EYA4: variants seen among roughly 807,000 people sequenced by gnomAD.
EYA4 encodes EYA transcriptional coactivator and phosphatase 4, also known as protein phosphatase EYA4.
In EYA4, 31 loss-of-function variants were observed where a neutral mutation model predicts 87.9. The ratio of observed to expected loss-of-function variants is 0.35; its 90% CI spans 0.27 to 0.48. The LOEUF is 0.48. Among genes scored for constraint, EYA4 ranks in the 20% least tolerant of loss-of-function variants. EYA4 has a pLI of 0.99. For missense variants in EYA4, 678 were observed against 761.4 expected, an observed-to-expected ratio of 0.89 and a Z score of 1.29; for synonymous variants, 263 against 270.6, an observed-to-expected ratio of 0.97 and a Z score of 0.28.
chr6:133,417,614 C>T (rs1413120032), intron 3 of EYA4, among the ~76,000 whole-genome samples: 1 of 152,074 alleles, frequency 6.6e-6, no homozygotes, highest in Non-Finnish European at 1.5e-5. Flanking sequence ...ACACACACAA[C>T]CCTCATACAT....
At chr6:133,348,522 C>G (rs1783393475) in intron 2 of EYA4, among the ~76,000 whole-genome samples, 1 of 152,006 alleles carries the variant, frequency 6.6e-6, no homozygotes, top group Non-Finnish European at 1.5e-5. Flanking sequence ...GCCTCGGCCT[C>G]CCAAAGTGCT....
At chr6:133,515,230 A>C in intron 16 of EYA4, 91 bp from the exon 17 acceptor site, 1 of 772,194 alleles carries the variant, frequency 1.3e-6, no homozygotes. Context: ...CTGAAATAAA[A>C]ATGATCTATT....
intron 3 of EYA4, among the ~76,000 whole-genome samples, chr6:133,417,978 A>G (rs902159538): frequency 3.3e-4 from 51 of 152,350 alleles, no homozygotes; most frequent in Admixed American, 2.2e-3. Flanking sequence ...TAGGCAGTGC[A>G]TAGTACGGCT....
At chr6:133,420,241 A>G (rs1380282998) in intron 3 of EYA4, among the ~76,000 whole-genome samples, 1 of 152,192 alleles carries the variant, frequency 6.6e-6, no homozygotes, top group Non-Finnish European at 1.5e-5. Flanking sequence ...ACACTTATTC[A>G]GTATCCCCTC....
intron 13 of EYA4, among the ~76,000 whole-genome samples, chr6:133,499,850 C>T (rs9493632): frequency 0.044 from 6,710 of 151,922 alleles, 501 homozygotes; most frequent in African/African-American, 0.15. Flanking sequence ...TCAGTGATCA[C>T]GCTGGCTCAA....
At chr6:133,262,474 GAATTCTTTCACATGTCTCC>G (rs1775876576) in intron 1 of EYA4, among the ~76,000 whole-genome samples, 1 of 152,220 alleles carries the variant, frequency 6.6e-6, no homozygotes, top group Non-Finnish European at 1.5e-5. Context: ...CTTGGGCTAA[GAATTCTTTCACATGTCTCC>G]CTGGGACAAT....
At chr6:133,412,724 T>C (rs1436876795) in intron 3 of EYA4, among the ~76,000 whole-genome samples, 3 of 152,228 alleles carry the variant, frequency 2.0e-5, no homozygotes, top group African/African-American at 7.2e-5. Context: ...CTATTCAGCA[T>C]AGATCTCATG....
chr6:133,378,367 T>G (rs1785887090), intron 2 of EYA4, among the ~76,000 whole-genome samples: 1 of 152,098 alleles, frequency 6.6e-6, no homozygotes, highest in African/African-American at 2.4e-5. Context: ...TAAATGAGAT[T>G]ATATATATAC....
At chr6:133,385,503 A>C (rs1243871620) in intron 3 of EYA4, among the ~76,000 whole-genome samples, 2 of 150,412 alleles carry the variant, frequency 1.3e-5, no homozygotes, top group African/African-American at 4.9e-5. Flanking sequence ...TTTTATTCTA[A>C]ACAAATATCA....
chr6:133,294,394 G>C (rs373146762), intron 2 of EYA4, among the ~76,000 whole-genome samples: 2 of 145,656 alleles, frequency 1.4e-5, no homozygotes, highest in Admixed American at 1.4e-4. Context: ...TTAAGAGACA[G>C]TCTTACTTCA....
At chr6:133,445,271 C>T (rs965741224) in intron 3 of EYA4, among the ~76,000 whole-genome samples, 1 of 152,072 alleles carries the variant, frequency 6.6e-6, no homozygotes, top group Non-Finnish European at 1.5e-5. Flanking sequence ...TCCCTGTATA[C>T]AGTGCAATTA....
chr6:133,319,007 C>T (rs1471062481), intron 2 of EYA4, among the ~76,000 whole-genome samples: 1 of 152,194 alleles, frequency 6.6e-6, no homozygotes, highest in African/African-American at 2.4e-5. Context: ...AGCATTTCTG[C>T]TTAACAGCCT....
chr6:133,297,026 A>G (rs1301275862), intron 2 of EYA4, among the ~76,000 whole-genome samples: 1 of 152,202 alleles, frequency 6.6e-6, no homozygotes, highest in African/African-American at 2.4e-5. Flanking sequence ...TGCATGCACT[A>G]ATTCTTGCAT....
Position 133,363,640 on chromosome 6 carries a change from A to ATT in EYA4, c.34-18745_34-18744dup, listed in dbSNP as rs5880177. 4.0e-3 allele frequency among the ~76,000 whole-genome samples: 606 copies of ATT among 151,296 alleles called. 4 individuals are homozygous for ATT. The highest frequency in any genetic ancestry group is 0.013 in the African/African-American group (548 of 41,254). On this transcript the variant is annotated intron_variant, in intron 2 of 19. Coordinates refer to ENST00000355286, the MANE Select transcript of EYA4 (RefSeq NM_004100.5). ...CAGGCGCACGCTGCCACGCCTGGCT[A>ATT]TTTTTTTTGTATTTTTAGTAGAGAC... is the stretch of plus-strand genomic sequence containing the variant.
At chr6:133,356,939 TG>T (rs922998161) in intron 2 of EYA4, among the ~76,000 whole-genome samples, 2 of 151,760 alleles carry the variant, frequency 1.3e-5, no homozygotes, top group Non-Finnish European at 2.9e-5. Flanking sequence ...CTTTTTGAAC[TG>T]AGATTGTCCT....
At chr6:133,491,951 CAA>C (rs34316449) in intron 13 of EYA4, among the ~76,000 whole-genome samples, 4,700 of 83,638 alleles carry the variant, frequency 0.056, 249 homozygotes, top group African/African-American at 0.19. Context: ...AACTCCGTCT[CAA>C]AAAAAAAAAA....
chr6:133,387,777 CT>C (rs1308001627), intron 3 of EYA4, among the ~76,000 whole-genome samples: 1 of 152,122 alleles, frequency 6.6e-6, no homozygotes, highest in Non-Finnish European at 1.5e-5. Flanking sequence ...ATAGCTTAAT[CT>C]TTTTCTTCCC....
chr6:133,472,982 A>G (rs1367585166), intron 11 of EYA4, among the ~76,000 whole-genome samples: 3 of 152,050 alleles, frequency 2.0e-5, no homozygotes, highest in South Asian at 2.1e-4. Context: ...AAGACAAGCT[A>G]TAGACTTGGA....
At chr6:133,500,372 C>T (rs1798006572) in intron 13 of EYA4, among the ~76,000 whole-genome samples, 1 of 152,072 alleles carries the variant, frequency 6.6e-6, no homozygotes, top group Non-Finnish European at 1.5e-5. Flanking sequence ...TATAACCCTA[C>T]TTTTCCATAA....
Sources: gnomAD v4.1 joint callset for allele counts (sites outside exome capture counted in the v4.1 genomes callset) on GRCh38, gnomAD v4.1.1 for gene constraint, MANE v1.5 for transcripts, NCBI Gene and HGNC (gene_info 2026-07-23, HGNC 2026-07-21) for gene names.